ANKS1B: variants seen among roughly 807,000 people sequenced by gnomAD.
The protein encoded by ANKS1B is ankyrin repeat and sterile alpha motif domain-containing protein 1B.
ANKS1B carries 36 observed loss-of-function variants against 148.3 expected under a neutral mutation model. The ratio of observed to expected loss-of-function variants is 0.24; its 90% CI spans 0.19 to 0.32. ANKS1B has a LOEUF of 0.32. ANKS1B is among the 10% of genes least tolerant of loss of function. ANKS1B has a pLI of 1.00. For synonymous variants in ANKS1B, 542 were observed against 560.8 expected, an observed-to-expected ratio of 0.97 and a Z score of 0.47; for missense variants, 1,157 against 1,542.6, an observed-to-expected ratio of 0.75 and a Z score of 4.19.
chr12:99,457,971 T>C (rs1257951739), intron 10 of ANKS1B, among the ~76,000 whole-genome samples: 1 of 152,040 alleles, frequency 6.6e-6, no homozygotes, highest in African/African-American at 2.4e-5. Context: ...CTGCAGAATA[T>C]ACATTCTACT....
intron 10 of ANKS1B, among the ~76,000 whole-genome samples, chr12:99,492,995 T>G (rs1159436407): frequency 6.6e-6 from 1 of 152,190 alleles, no homozygotes; most frequent in African/African-American, 2.4e-5. Context: ...GGATGCCTTC[T>G]CTCACCACTC....
rs780865694 is a variant in ANKS1B, at chr12:99,404,920, T to C, written c.1576-5109A>G. On this transcript the variant is annotated intron_variant, in intron 11 of 26. Transcript: ENST00000683438. ...AATGCAGCAAGAGAAAAGAAGCAAATAACGTACAATGAAGCTCCAATATGC... is the reference window on the plus strand; with the variant it reads ...AATGCAGCAAGAGAAAAGAAGCAAACAACGTACAATGAAGCTCCAATATGC... 8.2e-5 allele frequency among the ~76,000 whole-genome samples: 12 copies of C among 145,770 alleles called. 2 individuals carry two copies. The highest frequency in any genetic ancestry group is 4.1e-4 in the Admixed American group (6 of 14,712).
At chr12:99,627,529 T>C (rs1262078135) in intron 9 of ANKS1B, among the ~76,000 whole-genome samples, 1 of 152,164 alleles carries the variant, frequency 6.6e-6, no homozygotes, top group African/African-American at 2.4e-5. Flanking sequence ...TCAGAATTAG[T>C]ACCCAGACTG....
chr12:99,312,410 G>A (rs1241297024), intron 12 of ANKS1B, among the ~76,000 whole-genome samples: 1 of 152,086 alleles, frequency 6.6e-6, no homozygotes, highest in Non-Finnish European at 1.5e-5. Flanking sequence ...CATAGGAAGT[G>A]GTGAAATAAA....
chr12:99,469,411 G>A (rs1414689358), intron 10 of ANKS1B, among the ~76,000 whole-genome samples: 2 of 151,850 alleles, frequency 1.3e-5, no homozygotes, highest in Non-Finnish European at 2.9e-5. Context: ...TGCACATTGT[G>A]CACACGTACC....
At chr12:99,929,395 T>C (rs534631864) in intron 1 of ANKS1B, among the ~76,000 whole-genome samples, 1 of 152,240 alleles carries the variant, frequency 6.6e-6, no homozygotes, top group Non-Finnish European at 1.5e-5. Context: ...TTCTGGATAT[T>C]AGCCCTTTGT....
At chr12:99,812,751 A>G (rs2068594623) in intron 2 of ANKS1B, among the ~76,000 whole-genome samples, 1 of 151,554 alleles carries the variant, frequency 6.6e-6, no homozygotes, top group African/African-American at 2.4e-5. Context: ...TCTGAGATTT[A>G]GTTTGAAGGA....
At chr12:99,818,313 C>T (rs529897199) in intron 2 of ANKS1B, among the ~76,000 whole-genome samples, 1 of 151,880 alleles carries the variant, frequency 6.6e-6, no homozygotes. Context: ...AATATTCAGT[C>T]ATTGATTGAT....
intron 9 of ANKS1B, among the ~76,000 whole-genome samples, chr12:99,550,400 G>A (rs2097207025): frequency 6.6e-6 from 1 of 152,158 alleles, no homozygotes; most frequent in African/African-American, 2.4e-5. Context: ...GAGGCAGGCA[G>A]ATCAATTGAG....
At chr12:99,895,622 G>A (rs1242882361) in intron 1 of ANKS1B, among the ~76,000 whole-genome samples, 2 of 150,672 alleles carry the variant, frequency 1.3e-5, no homozygotes, top group Non-Finnish European at 3.0e-5. Context: ...CCCCAGAACT[G>A]AAGAACATGA....
intron 1 of ANKS1B, among the ~76,000 whole-genome samples, chr12:99,882,049 A>G (rs2092538556): frequency 6.6e-6 from 1 of 152,242 alleles, no homozygotes; most frequent in South Asian, 2.1e-4. Context: ...AAATAAATAG[A>G]AAGTTTCAGC....
chr12:99,794,698 G>T (rs1053511007), intron 4 of ANKS1B, among the ~76,000 whole-genome samples: 1 of 151,890 alleles, frequency 6.6e-6, no homozygotes, highest in Non-Finnish European at 1.5e-5. Context: ...AGGCTGGGAA[G>T]GGTAGTGGGG....
chr12:98,758,032 T>G (rs1166239235), intron 25 of ANKS1B, among the ~76,000 whole-genome samples: 2 of 152,150 alleles, frequency 1.3e-5, no homozygotes, highest in East Asian at 3.8e-4. Context: ...CATCTTAAAA[T>G]GGGGATAATA....
At position 99,132,260 on chromosome 12, in the gene ANKS1B, G is replaced by A. The variant is rs892283908; in HGVS notation, c.2526+22029C>T. ...CTGAGAAGAAAGGACCACGAGGCTC[G>A]AAAGGAAGGTGCATTGGCAAGCGGG... On this transcript the variant is annotated intron_variant, in intron 15 of 26. Transcript: ENST00000683438. 1.2e-4 allele frequency among the ~76,000 whole-genome samples: 18 copies of A among 152,252 alleles called. No individual in the cohort carries two copies. The South Asian group carries it at 2.9e-3, about 25-fold the overall frequency.
At chr12:98,895,247 A>AGGCACTCGCTGCTGCTGGGC in intron 17 of ANKS1B, 1 of 985,334 alleles carries the variant, frequency 1.0e-6, no homozygotes, top group South Asian at 4.7e-5. Context: ...CCTGGCTCCC[A>AGGCACTCGCTGCTGCTGGGC]GGCACTCGCT....
Position 99,084,921 on chromosome 12 carries a change from T to C in ANKS1B, c.2625+4A>G, listed in dbSNP as rs370166322. ...AGGACTAGGGCAATAAAAGTATTGC[T>C]CACCTTTGGAAGGAGCTGGATTGCC... On this transcript the variant is annotated splice_donor_region_variant and intron_variant, in intron 16 of 26. Transcript: ENST00000683438. 7.9e-5 allele frequency: 127 copies of C among 1,603,742 alleles called. No homozygotes were observed. The East Asian group carries it at 1.1e-3, about 14-fold the overall frequency.
intron 15 of ANKS1B, among the ~76,000 whole-genome samples, chr12:99,149,507 T>C (rs1417076139): frequency 6.6e-6 from 1 of 152,188 alleles, no homozygotes; most frequent in African/African-American, 2.4e-5. Flanking sequence ...GGCTGCATTT[T>C]GAACATTTTA....
intron 17 of ANKS1B, among the ~76,000 whole-genome samples, chr12:98,855,752 T>C (rs188870761): frequency 3.5e-3 from 515 of 146,814 alleles, no homozygotes; most frequent in African/African-American, 0.012. Flanking sequence ...TCTTGGCCAG[T>C]GATTTTTTTT....
At chr12:99,768,003 T>C (rs1450718220) in intron 8 of ANKS1B, among the ~76,000 whole-genome samples, 1 of 152,078 alleles carries the variant, frequency 6.6e-6, no homozygotes, top group Admixed American at 6.5e-5. Flanking sequence ...TGAATCAGAG[T>C]GCCCTCTATT....
Sources: gnomAD v4.1 joint callset for allele counts (sites outside exome capture counted in the v4.1 genomes callset) on GRCh38, gnomAD v4.1.1 for gene constraint, MANE v1.5 for transcripts, NCBI Gene and HGNC (gene_info 2026-07-23, HGNC 2026-07-21) for gene names.